The following AKT1 variants were observed in gnomAD, a reference collection of about 807,000 sequenced individuals.
AKT1 encodes the protein RAC-alpha serine/threonine-protein kinase.
In AKT1, 21 loss-of-function variants were observed where a neutral mutation model predicts 63.1. That is an observed-to-expected ratio of 0.33 (90% CI 0.24 to 0.48). The LOEUF (loss-of-function observed/expected upper bound fraction) is 0.48. Among genes scored for constraint, AKT1 ranks in the 20% least tolerant of loss-of-function variants. AKT1 has a pLI of 0.99. For synonymous variants in AKT1, 257 were observed against 253.1 expected, an observed-to-expected ratio of 1.02 and a Z score of -0.15; for missense variants, 382 against 666.0, an observed-to-expected ratio of 0.57 and a Z score of 4.69.
rs2141017956 is a variant in AKT1, at chr14:104,795,255, G to A, written c.-258+229C>T. ...CCTCCCCAAGGTCATGAGGGAGGCT[G>A]GGGCCGGCAGCCTGCACCCCCGGCG... On this transcript the variant is annotated intron_variant, in intron 1 of 14. Coordinates refer to ENST00000649815, the MANE Select transcript of AKT1 (RefSeq NM_001382430.1). This position sits in a 1 kb window ranked among gnomAD's most constrained non-coding sequence, Gnocchi z 5.1. 1.3e-5 allele frequency among the ~76,000 whole-genome samples: 2 copies of A among 151,454 alleles called. No individual in the cohort carries two copies. The highest frequency in any genetic ancestry group is 4.1e-4 in the South Asian group (2 of 4,828).
rs1893850024 is a variant in AKT1, at chr14:104,795,522, G to A, written c.-296C>T. On this transcript the variant is annotated 5_prime_UTR_variant, in exon 1 of 15. Coordinates refer to ENST00000649815, the MANE Select transcript of AKT1 (RefSeq NM_001382430.1). The surrounding 1 kb of genome is among the most constrained non-coding windows in gnomAD (Gnocchi z 5.1). ...CCGGGCGCGAGCGCGGGCCTAGCCG[G>A]GCCGCGGCCTCCGGCGCCCGCCGCT... is the stretch of plus-strand genomic sequence containing the variant. The A allele has an allele frequency of 6.9e-6, 1 of 145,740 alleles. No individual in the cohort carries two copies. The highest frequency in any genetic ancestry group is 1.5e-5 in the Non-Finnish European group (1 of 65,630). The allele number at this position is 145,740 out of a possible 1,614,324, so 9.0% of individuals were successfully genotyped here.
At chr14:104,775,359 G>A (rs974339108) in intron 6 of AKT1, 152 bp from the exon 7 acceptor site, 33 of 1,398,848 alleles carry the variant, frequency 2.4e-5, no homozygotes, top group Non-Finnish European at 3.0e-5. Flanking sequence ...TCAGCGGGGA[G>A]TCCAGGCTTA....
chr14:104,790,810 G>A (rs956544533), intron 3 of AKT1, among the ~76,000 whole-genome samples: 3 of 152,260 alleles, frequency 2.0e-5, no homozygotes, highest in South Asian at 2.1e-4. Flanking sequence ...ACTCAGGGCC[G>A]CCCACAAGCC....
intron 4 of AKT1, among the ~76,000 whole-genome samples, chr14:104,779,160 C>T (rs1566820169): frequency 6.6e-6 from 1 of 152,194 alleles, no homozygotes. Context: ...TGGGTAGGGT[C>T]GCACCTGCCC....
intron 3 of AKT1, among the ~76,000 whole-genome samples, chr14:104,786,807 G>A (rs1227346592): frequency 6.6e-6 from 1 of 152,094 alleles, no homozygotes; most frequent in Non-Finnish European, 1.5e-5. Context: ...CACCAAGCTT[G>A]TGCAGCTCAG....
intron 1 of AKT1, among the ~76,000 whole-genome samples, chr14:104,794,766 T>A (rs986084620): frequency 2.6e-5 from 4 of 152,210 alleles, no homozygotes; most frequent in African/African-American, 9.6e-5. Flanking sequence ...GGCCTCTGGC[T>A]GCAGAGCAGG....
chr14:104,784,329 C>T (rs1893223767), intron 3 of AKT1, among the ~76,000 whole-genome samples: 1 of 152,188 alleles, frequency 6.6e-6, no homozygotes, highest in African/African-American at 2.4e-5. Context: ...ACATCCATGG[C>T]CCAGGGCTCC....
chr14:104,792,506 T>C (rs527582804), intron 3 of AKT1, 92 bp downstream of exon 3: 38 of 1,487,106 alleles, frequency 2.6e-5, no homozygotes, highest in Non-Finnish European at 3.5e-5. Context: ...AGGCAGCCCC[T>C]CCCACCCAGC....
intron 3 of AKT1, among the ~76,000 whole-genome samples, chr14:104,785,037 G>A (rs1372540104): frequency 1.3e-5 from 2 of 152,232 alleles, no homozygotes; most frequent in Non-Finnish European, 2.9e-5. Context: ...CTTCTCCACA[G>A]CAAAGTGAGC....
At position 104,773,921 on chromosome 14, in the gene AKT1, G is replaced by C. The variant is rs767346459; in HGVS notation, c.693C>G (p.Asn231Lys). ...CAGCCCCAGCCCCTACCTCGCCCCC[G>C]TTGGCGTACTCCATGACAAAGCAGA... ...DRLCFVMEYA[N>K]GGELFFHLSR... Residue 231 changes from asparagine (N) to lysine (K), a missense_variant, in exon 9 of 15, where the codon AAC (asparagine) becomes AAG (lysine). By Grantham distance (94) the Asn-to-Lys change is moderately conservative (BLOSUM62 0). Transcript: ENST00000649815. 6.2e-7 allele frequency: 1 copy of C among 1,610,882 alleles called. No individual in the cohort carries two copies. The highest frequency in any genetic ancestry group is 2.2e-5 in the East Asian group (1 of 44,796).
intron 3 of AKT1, among the ~76,000 whole-genome samples, chr14:104,790,746 A>G (rs1481103223): frequency 6.6e-6 from 1 of 152,150 alleles, no homozygotes; most frequent in African/African-American, 2.4e-5. Context: ...TCCTGGCCTG[A>G]GGCTAGGGGC....
intron 3 of AKT1, among the ~76,000 whole-genome samples, chr14:104,780,611 G>C (rs770171995): frequency 1.3e-5 from 2 of 152,214 alleles, no homozygotes; most frequent in Non-Finnish European, 2.9e-5. Flanking sequence ...CCCCAGCTAT[G>C]GCCACAGGGG....
chr14:104,773,410 G>A (rs564652720), intron 10 of AKT1, 31 bp from the exon 11 acceptor site: 33 of 1,614,012 alleles, frequency 2.0e-5, no homozygotes, highest in African/African-American at 1.7e-4. Context: ...GGTCAGTGCC[G>A]CCAGGCCCCC....
chr14:104,776,548 T>C, intron 5 of AKT1, 111 bp downstream of exon 5: 2 of 897,510 alleles, frequency 2.2e-6, no homozygotes. Context: ...CTGGGAGCAC[T>C]GGGGAGTGAG....
rs555423452 is a variant in AKT1 at position 104,772,572 on chromosome 14, G to A, written c.1173-120C>T. 4.6e-3 allele frequency: 4,640 copies of A among 1,009,822 alleles called. 24 individuals are homozygous for A. Among genetic ancestry groups the A allele is most frequent in the Middle Eastern group, 7.0e-3 (26 of 3,734 alleles). The allele number at this position is 1,009,822 out of a possible 1,614,324, so 62.6% of individuals were successfully genotyped here. On this transcript the variant is annotated intron_variant, in intron 12 of 14. Coordinates refer to ENST00000649815, the MANE Select transcript of AKT1 (RefSeq NM_001382430.1). The stretch of plus-strand genomic sequence containing the variant: ...CAGGACGTTCCGGGGCCAGGGAGGG[G>A]AGCCGGTGGTGCAGCGTCCCTGAGC...
intron 6 of AKT1, 43 bp from the exon 7 acceptor site, chr14:104,775,250 T>G (rs1437329460): frequency 6.2e-7 from 1 of 1,609,388 alleles, no homozygotes; most frequent in East Asian, 2.2e-5. Context: ...CTGCCAACAG[T>G]GCCCAGCTGG....
intron 3 of AKT1, among the ~76,000 whole-genome samples, chr14:104,791,457 A>C (rs977792395): frequency 6.6e-6 from 1 of 152,098 alleles, no homozygotes; most frequent in Non-Finnish European, 1.5e-5. Flanking sequence ...CCTTGTCTTC[A>C]TCTCGAGGCC....
rs1251909646 is a variant in AKT1, at chr14:104,769,434, A to T, written c.*907T>A. 9.9e-6 allele frequency: 4 copies of T among 402,874 alleles called. No homozygotes were observed. Among genetic ancestry groups the T allele is most frequent in the Non-Finnish European group, 1.9e-5 (4 of 212,018 alleles). 25.0% of individuals were successfully genotyped at this position (402,874 alleles called of 1,614,324 possible). ...TAAAAATACTAAAGTTGAATGTTGT[A>T]AAAAAACGCCGTGGTGCAGCGGCAG... On this transcript the variant is annotated 3_prime_UTR_variant, in exon 15 of 15. Transcript: ENST00000649815.
At chr14:104,772,813 G>A in intron 12 of AKT1, 65 bp downstream of exon 12, 1 of 1,521,444 alleles carries the variant, frequency 6.6e-7, no homozygotes, top group Non-Finnish European at 8.8e-7. Context: ...CTGGCGCAGG[G>A]GCAGGTGCAG....
Sources: gnomAD v4.1 joint callset for allele counts (sites outside exome capture counted in the v4.1 genomes callset) on GRCh38, gnomAD v4.1.1 for gene constraint, Gnocchi (gnomAD v3.1) non-coding constraint, MANE v1.5 for transcripts, NCBI Gene and HGNC (gene_info 2026-07-23, HGNC 2026-07-21) for gene names.